Variants in SGIP1 observed in about 807,000 individuals in gnomAD.
SGIP1 encodes SH3GL interacting endocytic adaptor 1.
In SGIP1, 38 loss-of-function variants were observed where a neutral mutation model predicts 107.5. The ratio of observed to expected loss-of-function variants is 0.35; its 90% CI spans 0.27 to 0.46. SGIP1 has a LOEUF of 0.46. SGIP1 is among the 20% of genes least tolerant of loss of function. SGIP1 has a pLI of 1.00. For missense variants in SGIP1, 929 were observed against 1,019.5 expected (o/e 0.91, Z 1.21); for synonymous variants, 365 against 366.1 (o/e 1.00, Z 0.03).
At position 66,667,559 on chromosome 1, in the gene SGIP1, T is replaced by A. The variant is rs1056651864; in HGVS notation, c.483+18T>A. ...GCAGCCCGGTAAGAACTCTCAACATTTTTACCTTAAACATGTATAGAGAAA... is the reference window on the plus strand; with the variant it reads ...GCAGCCCGGTAAGAACTCTCAACATATTTACCTTAAACATGTATAGAGAAA... On this transcript the variant is annotated intron_variant, in intron 9 of 24. Transcript: ENST00000371037. 1.9e-6 allele frequency: 3 copies of A among 1,612,944 alleles called. No homozygotes were observed. In the Admixed American group the frequency reaches 5.0e-5, roughly 27 times the overall value.
At chr1:66,577,815 A>T (rs2061289971) in intron 1 of SGIP1, among the ~76,000 whole-genome samples, 1 of 150,820 alleles carries the variant, frequency 6.6e-6, no homozygotes, top group Admixed American at 6.6e-5. Context: ...ATACCCAAAA[A>T]GAAGAGGAGG....
chr1:66,637,729 A>C (rs928532817), intron 4 of SGIP1, among the ~76,000 whole-genome samples: 2 of 151,306 alleles, frequency 1.3e-5, no homozygotes, highest in African/African-American at 4.9e-5. Context: ...AAAGAAAAAC[A>C]AGTATATATA....
intron 8 of SGIP1, among the ~76,000 whole-genome samples, chr1:66,662,669 T>A (rs547352033): frequency 1.3e-5 from 2 of 152,276 alleles, no homozygotes; most frequent in African/African-American, 4.8e-5. Flanking sequence ...AATCATAGAT[T>A]AGCAGTGTTT....
chr1:66,541,345 G>T (rs887978706), intron 1 of SGIP1, among the ~76,000 whole-genome samples: 1 of 152,238 alleles, frequency 6.6e-6, no homozygotes, highest in Non-Finnish European at 1.5e-5. Context: ...TCAAGTGACA[G>T]GTGAGCATTC....
At chr1:66,684,620 G>T (rs150138725) in intron 15 of SGIP1, among the ~76,000 whole-genome samples, 96 of 152,316 alleles carry the variant, frequency 6.3e-4, no homozygotes, top group African/African-American at 2.2e-3. Context: ...CCAAGGGTAG[G>T]CCACAATGCT....
chr1:66,541,539 G>T (rs1009763922), intron 1 of SGIP1, among the ~76,000 whole-genome samples: 2 of 152,198 alleles, frequency 1.3e-5, no homozygotes, highest in African/African-American at 2.4e-5. Flanking sequence ...TCACAGAAAA[G>T]ATGTAAATGC....
chr1:66,592,704 T>C (rs571362408), intron 1 of SGIP1, among the ~76,000 whole-genome samples: 7 of 152,194 alleles, frequency 4.6e-5, no homozygotes, highest in Non-Finnish European at 4.4e-5. Flanking sequence ...TATAGAATCA[T>C]AGAGAATAGT....
chr1:66,643,492 G>A lies in SGIP1; in HGVS notation c.284-52G>A, dbSNP rs572416950. Reference sequence around the variant, plus strand: ...TATATGCAATTGCTCTTGTCTTGGAGTCGTTGCCTCCCAGTAGAAGAAAGA... The same window carrying A: ...TATATGCAATTGCTCTTGTCTTGGAATCGTTGCCTCCCAGTAGAAGAAAGA... On this transcript the variant is annotated intron_variant, in intron 6 of 24. Transcript: ENST00000371037. 11 of 1,504,504 alleles carry A rather than the reference G, an allele frequency of 7.3e-6. No individual in the cohort carries two copies. The South Asian group carries it at 1.2e-4, about 17-fold the overall frequency. The allele number at this position is 1,504,504 out of a possible 1,614,324, so 93.2% of individuals were successfully genotyped here.
chr1:66,601,230 T>C (rs2065745653), intron 1 of SGIP1, among the ~76,000 whole-genome samples: 1 of 152,040 alleles, frequency 6.6e-6, no homozygotes, highest in Non-Finnish European at 1.5e-5. Context: ...CTGGGCGTGG[T>C]GGCGGGCGCC....
chr1:66,736,175 ATAAATATAAATATTTATACAAATATTT>A (rs74735413), intron 21 of SGIP1, among the ~76,000 whole-genome samples: 50,791 of 116,008 alleles, frequency 0.44, 22,029 homozygotes, highest in African/African-American at 0.49. Flanking sequence ...CATTATATTC[ATAAATATAAATATTTATACAAATATTT>A]TAAATATAAA....
At chr1:66,719,106 A>G (rs2093395867) in intron 18 of SGIP1, among the ~76,000 whole-genome samples, 188 bp from the exon 19 acceptor site, 1 of 152,134 alleles carries the variant, frequency 6.6e-6, no homozygotes, top group Admixed American at 6.6e-5. Context: ...TTGTCTGTAA[A>G]CCAGCCAAAT....
At chr1:66,576,412 A>G (rs1194902505) in intron 1 of SGIP1, among the ~76,000 whole-genome samples, 2 of 152,206 alleles carry the variant, frequency 1.3e-5, no homozygotes, top group Non-Finnish European at 2.9e-5. Context: ...GCTGAGCCGC[A>G]TAAAAGCTTT....
intron 3 of SGIP1, among the ~76,000 whole-genome samples, chr1:66,633,593 A>G (rs1348830606): frequency 6.6e-5 from 10 of 152,170 alleles, no homozygotes; most frequent in Admixed American, 6.5e-4. Flanking sequence ...TACAGCCTGA[A>G]AGAGGAAAAT....
chr1:66,633,667 T>C (rs2075246838), intron 3 of SGIP1, among the ~76,000 whole-genome samples: 1 of 152,188 alleles, frequency 6.6e-6, no homozygotes, highest in Non-Finnish European at 1.5e-5. Context: ...GAATTCTTGC[T>C]TTTTAAAGAA....
chr1:66,710,214 C>G (rs1472184426), intron 18 of SGIP1, among the ~76,000 whole-genome samples: 1 of 152,002 alleles, frequency 6.6e-6, no homozygotes, highest in East Asian at 1.9e-4. Flanking sequence ...GCACACTTAC[C>G]TTTTCAAGTT....
chr1:66,583,784 C>A (rs1209868064), intron 1 of SGIP1, among the ~76,000 whole-genome samples: 1 of 152,120 alleles, frequency 6.6e-6, no homozygotes, highest in Non-Finnish European at 1.5e-5. Context: ...TGATTATCAG[C>A]CCCATGAAGG....
At chr1:66,543,093 G>A (rs2055397124) in intron 1 of SGIP1, among the ~76,000 whole-genome samples, 1 of 152,150 alleles carries the variant, frequency 6.6e-6, no homozygotes, top group African/African-American at 2.4e-5. Context: ...ACTTGAAGAA[G>A]GCCACCTCAC....
chr1:66,648,609 CTA>C (rs2078104764), intron 7 of SGIP1, among the ~76,000 whole-genome samples: 2 of 152,182 alleles, frequency 1.3e-5, no homozygotes, highest in African/African-American at 4.8e-5. Context: ...CCTGGGGTGT[CTA>C]TGGCATTGCC....
At chr1:66,551,114 T>A (rs2057336521) in intron 1 of SGIP1, among the ~76,000 whole-genome samples, 1 of 152,160 alleles carries the variant, frequency 6.6e-6, no homozygotes, top group East Asian at 1.9e-4. Context: ...CAATGGTACA[T>A]CAGCAAATGA....
Sources: allele counts gnomAD v4.1 joint callset (sites outside exome capture counted in the v4.1 genomes callset), GRCh38; gene constraint gnomAD v4.1.1; transcripts MANE v1.5; gene names NCBI Gene and HGNC (gene_info 2026-07-23, HGNC 2026-07-21).